Variants in GBE1 observed in about 807,000 individuals in gnomAD.
GBE1 encodes 1,4-alpha-glucan branching enzyme 1, also known as 1,4-alpha-glucan-branching enzyme.
A neutral mutation model predicts 88.8 loss-of-function variants in GBE1; 70 were observed. The observed-to-expected ratio is 0.79, with a 90% CI of 0.65 to 0.96. The LOEUF is 0.96. GBE1 is among the 40% of genes least tolerant of loss of function. GBE1 has a pLI of 0.00. For synonymous variants in GBE1, 284 were observed against 300.1 expected, an observed-to-expected ratio of 0.95 and a Z score of 0.56; for missense variants, 872 against 871.0, an observed-to-expected ratio of 1.00 and a Z score of -0.01.
At chr3:81,687,747 G>A (rs1705460789) in intron 2 of GBE1, among the ~76,000 whole-genome samples, 2 of 152,146 alleles carry the variant, frequency 1.3e-5, no homozygotes, top group African/African-American at 4.8e-5. Context: ...TTTACAAGGT[G>A]AGCACGGTGG....
chr3:81,711,070 T>C (rs912009485), intron 1 of GBE1, among the ~76,000 whole-genome samples: 1 of 152,146 alleles, frequency 6.6e-6, no homozygotes, highest in African/African-American at 2.4e-5. Context: ...TGGAAGGCAG[T>C]TGGTTCATCC....
intron 7 of GBE1, among the ~76,000 whole-genome samples, chr3:81,633,966 T>C (rs1445362274): frequency 1.3e-5 from 2 of 152,168 alleles, no homozygotes; most frequent in Non-Finnish European, 2.9e-5. Context: ...AGGTTTCATA[T>C]AAAATGTGGG....
chr3:81,592,398 T>G (rs1038710846), intron 8 of GBE1, among the ~76,000 whole-genome samples: 2 of 147,574 alleles, frequency 1.4e-5, no homozygotes, highest in Non-Finnish European at 3.0e-5. Context: ...ATACTATGAG[T>G]CCAACCATTT....
intron 7 of GBE1, among the ~76,000 whole-genome samples, chr3:81,595,656 C>T (rs943022065): frequency 1.3e-5 from 2 of 151,866 alleles, no homozygotes; most frequent in Non-Finnish European, 2.9e-5. Flanking sequence ...AGGATGTGAA[C>T]CTGATCACTG....
intron 14 of GBE1, among the ~76,000 whole-genome samples, chr3:81,517,533 T>C (rs17019053): frequency 0.015 from 2,339 of 151,482 alleles, 80 homozygotes; most frequent in African/African-American, 0.054. Context: ...ATTTGCAGTC[T>C]AGGAAAAGAA....
intron 12 of GBE1, among the ~76,000 whole-genome samples, chr3:81,565,947 G>T (rs1703489008): frequency 6.6e-6 from 1 of 152,084 alleles, no homozygotes; most frequent in African/African-American, 2.4e-5. Context: ...AAGGCAGAAA[G>T]GCTTCTGATT....
intron 12 of GBE1, among the ~76,000 whole-genome samples, chr3:81,576,035 A>C (rs1703643905): frequency 6.6e-6 from 1 of 152,032 alleles, no homozygotes; most frequent in South Asian, 2.1e-4. Context: ...TAAAAGCCTT[A>C]ATCATTCTTT....
intron 1 of GBE1, among the ~76,000 whole-genome samples, chr3:81,721,384 C>T (rs2107190817): frequency 6.6e-6 from 1 of 151,650 alleles, no homozygotes; most frequent in South Asian, 2.1e-4. Context: ...TTCACCTAAG[C>T]CTTGTATTGC....
intron 3 of GBE1, among the ~76,000 whole-genome samples, chr3:81,667,954 A>G (rs888759585): frequency 2.0e-5 from 3 of 152,218 alleles, no homozygotes; most frequent in Non-Finnish European, 4.4e-5. Flanking sequence ...ACAATGGCAA[A>G]GACATGGAAC....
intron 2 of GBE1, among the ~76,000 whole-genome samples, chr3:81,676,960 C>T (rs1705268979): frequency 6.6e-6 from 1 of 152,154 alleles, no homozygotes; most frequent in African/African-American, 2.4e-5. Context: ...GTATCAGGCA[C>T]ACAAACTCTA....
intron 12 of GBE1, among the ~76,000 whole-genome samples, chr3:81,573,492 A>C (rs1293043505): frequency 6.6e-6 from 1 of 152,190 alleles, no homozygotes; most frequent in Non-Finnish European, 1.5e-5. Context: ...TGCATGCATT[A>C]CTATAAAGGT....
chr3:81,565,912 C>T (rs1703488638), intron 12 of GBE1, among the ~76,000 whole-genome samples: 1 of 152,116 alleles, frequency 6.6e-6, no homozygotes, highest in African/African-American at 2.4e-5. Flanking sequence ...GTATACAAAT[C>T]TATTTATATA....
At chr3:81,509,377 C>G (rs2106825540) in intron 14 of GBE1, 1 of 150,098 alleles carries the variant, frequency 6.7e-6, no homozygotes, top group East Asian at 2.0e-4. Flanking sequence ...ACAATCCTAC[C>G]TGAAAATTAA....
chr3:81,490,544 C>A (rs1272835587), intron 15 of GBE1, 81 bp from the exon 16 acceptor site: 3 of 1,095,314 alleles, frequency 2.7e-6, no homozygotes, highest in East Asian at 2.4e-5. Flanking sequence ...ATAGGCATGA[C>A]GCAGTCTCAC....
rs527561804 is a variant in GBE1, at chr3:81,707,711, T to A, written c.144-2098A>T. On this transcript the variant is annotated intron_variant, in intron 1 of 15. Coordinates refer to ENST00000429644, the MANE Select transcript of GBE1 (RefSeq NM_000158.4). ...TCATCATTATACTTTTTAATTTCTT[T>A]ATTAATCTTAGATGAGCATTTAAGA... is the stretch of plus-strand genomic sequence containing the variant. Among the ~76,000 whole-genome samples the A allele has an allele frequency of 1.6e-3, 237 of 152,220 alleles. 1 individual carries two copies. The highest frequency in any genetic ancestry group is 5.5e-3 in the African/African-American group (227 of 41,580).
intron 3 of GBE1, among the ~76,000 whole-genome samples, chr3:81,654,120 G>A (rs1704895456): frequency 6.6e-6 from 1 of 151,990 alleles, no homozygotes. Flanking sequence ...CCTTTTTAAT[G>A]AGCCAAATTA....
rs904087516 is a variant in GBE1 at position 81,523,425 on chromosome 3, T to C, written c.1934+11770A>G. Among the ~76,000 whole-genome samples, 8 of 151,704 alleles carry C rather than the reference T, an allele frequency of 5.3e-5. 2 individuals carry two copies. The Admixed American group carries it at 5.3e-4, about 10-fold the overall frequency. On this transcript the variant is annotated intron_variant, in intron 14 of 15. Transcript: ENST00000429644. ...AGATATTTTGATACAGGATACAATA[T>C]GTAATAATCACATCAGGGTAAATAG...
chr3:81,759,783 G>T (rs1706653939), intron 1 of GBE1, among the ~76,000 whole-genome samples: 1 of 152,004 alleles, frequency 6.6e-6, no homozygotes, highest in South Asian at 2.1e-4. Context: ...AATCCCAGTG[G>T]AGTTGGAAAT....
chr3:81,689,843 G>A, intron 2 of GBE1, among the ~76,000 whole-genome samples: 1 of 152,096 alleles, frequency 6.6e-6, no homozygotes, highest in East Asian at 1.9e-4. Flanking sequence ...GAGGAGCCCG[G>A]CCCCTCCTCT....
Sources: gnomAD v4.1 joint callset for allele counts (sites outside exome capture counted in the v4.1 genomes callset) on GRCh38, gnomAD v4.1.1 for gene constraint, MANE v1.5 for transcripts, NCBI Gene and HGNC (gene_info 2026-07-23, HGNC 2026-07-21) for gene names.